Variants in SYNJ1 observed in about 807,000 individuals in gnomAD.
The protein encoded by SYNJ1 is polyphosphatidylinositol phosphatase SYNJ1.
SYNJ1 carries 78 observed loss-of-function variants against 168.2 expected under a neutral mutation model. That is an observed-to-expected ratio of 0.46 (90% CI 0.39 to 0.56). The LOEUF (loss-of-function observed/expected upper bound fraction) is 0.56, where lower values mean the gene tolerates loss of function less well. SYNJ1 is among the 20% of genes least tolerant of loss of function. The pLI, the probability that SYNJ1 is intolerant of heterozygous loss-of-function variation, is 0.00. For missense variants in SYNJ1, 1,303 were observed against 1,597.6 expected (o/e 0.82, Z 3.14); for synonymous variants, 539 against 548.6 (o/e 0.98, Z 0.24).
At chr21:32,707,315 C>G (rs1193132136) in intron 2 of SYNJ1, among the ~76,000 whole-genome samples, 1 of 116,588 alleles carries the variant, frequency 8.6e-6, no homozygotes, top group South Asian at 2.9e-4. Context: ...GAGACAGGAT[C>G]TCACTCTATC....
At chr21:32,654,845 T>G (rs1361209112) in intron 21 of SYNJ1, among the ~76,000 whole-genome samples, 1 of 152,194 alleles carries the variant, frequency 6.6e-6, no homozygotes, top group Non-Finnish European at 1.5e-5. Context: ...TATTTAAAAA[T>G]AAAGGGGTTC....
intron 9 of SYNJ1, among the ~76,000 whole-genome samples, chr21:32,685,205 A>C (rs953505809): frequency 7.3e-5 from 11 of 151,106 alleles, no homozygotes; most frequent in African/African-American, 2.7e-4. Flanking sequence ...AAAAAGACTT[A>C]AGTACACTGC....
intron 1 of SYNJ1, 146 bp from the exon 2 acceptor site, chr21:32,727,063 T>C: frequency 1.8e-6 from 2 of 1,106,026 alleles, no homozygotes; most frequent in Admixed American, 2.9e-5. Context: ...GAAAATGGCT[T>C]TTTCCAAAAG....
chr21:32,646,089 T>C (rs2040055992), intron 24 of SYNJ1: 1 of 692,178 alleles, frequency 1.4e-6, no homozygotes, highest in Non-Finnish European at 2.6e-6. Context: ...CATTTTGTAG[T>C]CTGGCCAGTA....
chr21:32,659,177 A>G lies in SYNJ1; in HGVS notation c.2305-1305T>C, dbSNP rs184517753. Among the ~76,000 whole-genome samples, 287 of 152,180 alleles carry G rather than the reference A, an allele frequency of 1.9e-3. 1 individual carries two copies. Among genetic ancestry groups the G allele is most frequent in the South Asian group, 9.7e-3 (47 of 4,822 alleles). On this transcript the variant is annotated intron_variant, in intron 18 of 32. Coordinates refer to ENST00000674351, the MANE Select transcript of SYNJ1 (RefSeq NM_203446.3). The stretch of plus-strand genomic sequence containing the variant: ...AAGTGTTTCAAAAGTCAGATGACAT[A>G]GAAACAAAAGAAAAGTCAATAACCA...
At chr21:32,690,534 C>T (rs972732836) in intron 6 of SYNJ1, among the ~76,000 whole-genome samples, 3 of 152,224 alleles carry the variant, frequency 2.0e-5, no homozygotes, top group Admixed American at 1.3e-4. Flanking sequence ...TATTGCCAAT[C>T]GTGATAAAAG....
At position 32,684,901 on chromosome 21, in the gene SYNJ1, C is replaced by T. The variant is rs1380714289; in HGVS notation, c.1119-782G>A. 4.4e-5 allele frequency among the ~76,000 whole-genome samples: 6 copies of T among 135,602 alleles called. No individual in the cohort carries two copies. The East Asian group carries it at 5.8e-4, about 13-fold the overall frequency. The allele number at this position is 135,602 out of a possible 152,430, so 89.0% of individuals were successfully genotyped here. ...ATACATGTTAAGACTTAAGTACGGC[C>T]GGGCGCGGTGGCTCACGCCTGTAAT... On this transcript the variant is annotated intron_variant, in intron 9 of 32. Coordinates refer to ENST00000674351, the MANE Select transcript of SYNJ1 (RefSeq NM_203446.3).
At chr21:32,707,078 T>A (rs547701941) in intron 2 of SYNJ1, among the ~76,000 whole-genome samples, 1 of 152,126 alleles carries the variant, frequency 6.6e-6, no homozygotes, top group African/African-American at 2.4e-5. Context: ...TCTCCCTTTT[T>A]TCATACTGTT....
chr21:32,677,829 A>C (rs749888767), intron 12 of SYNJ1, among the ~76,000 whole-genome samples: 4 of 152,184 alleles, frequency 2.6e-5, no homozygotes, highest in Non-Finnish European at 4.4e-5. Context: ...ATGCAGAAAC[A>C]ATTTTCTCCC....
intron 2 of SYNJ1, among the ~76,000 whole-genome samples, chr21:32,716,926 T>C (rs1601529670): frequency 6.6e-6 from 1 of 152,156 alleles, no homozygotes; most frequent in East Asian, 1.9e-4. Flanking sequence ...AATATAGTAA[T>C]CCCTACCACA....
intron 2 of SYNJ1, among the ~76,000 whole-genome samples, chr21:32,715,790 T>A (rs532025328): frequency 4.7e-4 from 71 of 152,314 alleles, no homozygotes; most frequent in Non-Finnish European, 7.8e-4. Flanking sequence ...AGTTTTTTTT[T>A]AATTTTTTTC....
At chr21:32,659,930 G>A (rs1003063749) in intron 18 of SYNJ1, among the ~76,000 whole-genome samples, 1 of 152,136 alleles carries the variant, frequency 6.6e-6, no homozygotes, top group Non-Finnish European at 1.5e-5. Context: ...GGGGGACTCC[G>A]GCCAGCTTGA....
upstream of SYNJ1, chr21:32,728,148 G>T (rs1028586725): frequency 1.1e-4 from 152 of 1,333,652 alleles, 1 homozygote; most frequent in Middle Eastern, 5.2e-4. Context: ...TGGCACCCGC[G>T]GGCGGCCCCA....
intron 2 of SYNJ1, among the ~76,000 whole-genome samples, chr21:32,726,427 C>T (rs2043458314): frequency 1.3e-5 from 2 of 152,108 alleles, no homozygotes; most frequent in South Asian, 4.1e-4. Context: ...AACTGACCTA[C>T]CAGTAAATAT....
At chr21:32,718,902 C>A (rs565887265) in intron 2 of SYNJ1, among the ~76,000 whole-genome samples, 12 of 152,252 alleles carry the variant, frequency 7.9e-5, no homozygotes, top group African/African-American at 2.2e-4. Flanking sequence ...AACCTTAACG[C>A]CTTCCCTTAT....
chr21:32,715,485 A>G (rs2146335873), intron 2 of SYNJ1, among the ~76,000 whole-genome samples: 1 of 152,278 alleles, frequency 6.6e-6, no homozygotes, highest in African/African-American at 2.4e-5. Context: ...AAAAAAAAAA[A>G]AATTGAAAAA....
intron 4 of SYNJ1, among the ~76,000 whole-genome samples, chr21:32,698,288 A>AC (rs2042281427): frequency 1.3e-5 from 2 of 152,148 alleles, no homozygotes; most frequent in African/African-American, 4.8e-5. Flanking sequence ...GTGAGCTACA[A>AC]CGTGACCAAG....
At chr21:32,695,027 T>G in intron 5 of SYNJ1, 30 bp downstream of exon 5, 1 of 1,569,010 alleles carries the variant, frequency 6.4e-7, no homozygotes, top group Non-Finnish European at 8.7e-7. Context: ...TATAATAAAT[T>G]AATTAAGTAA....
rs2039856051 is a variant in SYNJ1 at position 32,641,918 on chromosome 21, G to A, written c.3566C>T (p.Ala1189Val). Residue 1189 changes from alanine to valine, a missense_variant, in exon 29 of 33, where the codon GCT becomes GTT. Physicochemically the swap from Ala to Val is moderately conservative, Grantham distance 64. Transcript: ENST00000674351. ...PQAGLAGPGP[A>V]GYSTARPTIP... Reference sequence around the variant, plus strand: ...TACCGGTCTGGCTGTACTGTATCCAGCAGGTCCTGGGCCTGCAAGTCCTGC... The same window carrying A: ...TACCGGTCTGGCTGTACTGTATCCAACAGGTCCTGGGCCTGCAAGTCCTGC... 1 of 1,613,300 alleles carries A rather than the reference G, an allele frequency of 6.2e-7. No homozygotes were observed. Among genetic ancestry groups the A allele is most frequent in the Non-Finnish European group, 8.5e-7 (1 of 1,179,640 alleles).
Sources: gnomAD v4.1 joint callset for allele counts (sites outside exome capture counted in the v4.1 genomes callset) on GRCh38, gnomAD v4.1.1 for gene constraint, MANE v1.5 for transcripts, NCBI Gene and HGNC (gene_info 2026-07-23, HGNC 2026-07-21) for gene names.